Variants in CNTNAP5 observed in about 807,000 individuals in gnomAD.
CNTNAP5 encodes the protein contactin-associated protein-like 5.
CNTNAP5 carries 72 observed loss-of-function variants against 150.2 expected under a neutral mutation model. The observed-to-expected ratio is 0.48, with a 90% confidence interval of 0.40 to 0.58. The LOEUF is 0.58. Among genes scored for constraint, CNTNAP5 ranks in the 20% least tolerant of loss-of-function variants. The pLI is 0.00. For missense variants in CNTNAP5, 1,636 were observed against 1,626.2 expected (o/e 1.01, Z -0.10); for synonymous variants, 672 against 619.8 (o/e 1.08, Z -1.25).
chr2:124,446,244 T>C (rs1007273687), intron 5 of CNTNAP5, among the ~76,000 whole-genome samples: 1 of 152,170 alleles, frequency 6.6e-6, no homozygotes, highest in Non-Finnish European at 1.5e-5. Flanking sequence ...AAGTTATTTC[T>C]TCCTAAGTGC....
At chr2:124,336,277 G>A (rs760263181) in intron 3 of CNTNAP5, among the ~76,000 whole-genome samples, 3 of 151,692 alleles carry the variant, frequency 2.0e-5, no homozygotes, top group African/African-American at 4.9e-5. Flanking sequence ...CCAATTTTTG[G>A]GTCCTGCCAA....
intron 3 of CNTNAP5, among the ~76,000 whole-genome samples, chr2:124,377,846 A>G (rs193105278): frequency 3.4e-4 from 51 of 152,200 alleles, no homozygotes; most frequent in African/African-American, 1.2e-3. Context: ...AGAGCTTTTG[A>G]GCTACATATG....
chr2:124,139,014 G>A (rs1421977081), intron 1 of CNTNAP5, among the ~76,000 whole-genome samples: 1 of 151,530 alleles, frequency 6.6e-6, no homozygotes, highest in Non-Finnish European at 1.5e-5. Context: ...TGAGTCCTGA[G>A]TCTACAGGAG....
At chr2:124,119,361 GCT>G (rs1491507098) in intron 1 of CNTNAP5, among the ~76,000 whole-genome samples, 1 of 65,894 alleles carries the variant, frequency 1.5e-5, no homozygotes, top group Non-Finnish European at 3.7e-5. Flanking sequence ...AGAGCAGGAA[GCT>G]TTTTTTTTTT....
intron 7 of CNTNAP5, among the ~76,000 whole-genome samples, chr2:124,489,077 G>A (rs761522295): frequency 1.3e-5 from 2 of 152,208 alleles, no homozygotes; most frequent in Admixed American, 6.5e-5. Flanking sequence ...CAATGAACTC[G>A]TTCTTTCTGG....
intron 13 of CNTNAP5, among the ~76,000 whole-genome samples, chr2:124,659,340 G>A (rs558638969): frequency 1.6e-4 from 24 of 152,098 alleles, no homozygotes; most frequent in African/African-American, 5.1e-4. Flanking sequence ...ATATGGTAGC[G>A]GTGATTTCAC....
At chr2:124,562,566 A>G (rs1695918202) in intron 10 of CNTNAP5, among the ~76,000 whole-genome samples, 1 of 152,220 alleles carries the variant, frequency 6.6e-6, no homozygotes, top group Non-Finnish European at 1.5e-5. Context: ...TGCTGATTCT[A>G]ATTATATAAA....
intron 22 of CNTNAP5, among the ~76,000 whole-genome samples, chr2:124,909,402 G>T (rs554303896): frequency 1.5e-3 from 231 of 152,178 alleles, no homozygotes; most frequent in Non-Finnish European, 2.5e-3. Context: ...TACCACCTAG[G>T]ATTGTGTGAG....
At position 124,798,114 on chromosome 2, in the gene CNTNAP5, A is replaced by T; in HGVS notation, c.3011A>T (p.Glu1004Val). 5 of 1,611,212 alleles carry T rather than the reference A, an allele frequency of 3.1e-6. No individual in the cohort carries two copies. The highest frequency in any genetic ancestry group is 4.2e-6 in the Non-Finnish European group (5 of 1,178,462). ...TTTGCAGAGGTTTCTGCTGTTTTTG[A>T]GGCTGGCACGTCGGTTACTTACATG... ...FCKKEVSAVF[E>V]AGTSVTYMFQ... Residue 1004 changes from glutamate to valine, a missense_variant, in exon 19 of 24, where the codon GAG becomes GTG. Coordinates refer to ENST00000682447, the MANE Select transcript of CNTNAP5 (RefSeq NM_001367498.1).
chr2:124,263,609 G>T lies in CNTNAP5; in HGVS notation c.381+21216G>T, dbSNP rs146713650. Among the ~76,000 whole-genome samples, 1,109 of 152,034 alleles carry T rather than the reference G, an allele frequency of 7.3e-3. 8 individuals are homozygous for T. Among genetic ancestry groups the T allele is most frequent in the East Asian group, 0.03 (154 of 5,162 alleles). On this transcript the variant is annotated intron_variant, in intron 3 of 23. Coordinates refer to ENST00000682447, the MANE Select transcript of CNTNAP5 (RefSeq NM_001367498.1). ...CCCCTTCTGTAGGTTGCCTGTTCACGCTGATGGTAGTTTCTTTTGCTGTGC... is the reference window on the plus strand; with the variant it reads ...CCCCTTCTGTAGGTTGCCTGTTCACTCTGATGGTAGTTTCTTTTGCTGTGC...
intron 1 of CNTNAP5, among the ~76,000 whole-genome samples, chr2:124,194,124 A>T (rs1334775762): frequency 6.6e-6 from 1 of 151,736 alleles, no homozygotes; most frequent in African/African-American, 2.4e-5. Flanking sequence ...GATCCAGGAC[A>T]CAGCTGCTGC....
intron 8 of CNTNAP5, among the ~76,000 whole-genome samples, chr2:124,519,878 C>T (rs1230635800): frequency 1.3e-5 from 2 of 152,096 alleles, no homozygotes; most frequent in East Asian, 3.9e-4. Context: ...TGTAAGGAAC[C>T]CTTTATACTG....
intron 1 of CNTNAP5, among the ~76,000 whole-genome samples, chr2:124,133,283 G>A (rs1558768901): frequency 6.6e-6 from 1 of 151,658 alleles, no homozygotes; most frequent in Non-Finnish European, 1.5e-5. Flanking sequence ...CCCTTCCAAG[G>A]CCCTTTGGTC....
At chr2:124,885,057 T>C (rs889035659) in intron 21 of CNTNAP5, among the ~76,000 whole-genome samples, 1 of 151,946 alleles carries the variant, frequency 6.6e-6, no homozygotes, top group Admixed American at 6.6e-5. Context: ...TATATTGAGA[T>C]TTATTGCACA....
At chr2:124,383,226 C>A (rs769851787) in intron 3 of CNTNAP5, among the ~76,000 whole-genome samples, 1 of 152,112 alleles carries the variant, frequency 6.6e-6, no homozygotes, top group Non-Finnish European at 1.5e-5. Context: ...TCCAGCTTTC[C>A]CTGGAGCTTA....
chr2:124,346,706 A>C (rs1244268658), intron 3 of CNTNAP5, among the ~76,000 whole-genome samples: 2 of 152,038 alleles, frequency 1.3e-5, no homozygotes, highest in African/African-American at 4.8e-5. Context: ...TAAAGAACAA[A>C]TTTTGAAGTT....
intron 3 of CNTNAP5, among the ~76,000 whole-genome samples, chr2:124,338,853 C>T (rs550199711): frequency 7.5e-4 from 114 of 152,054 alleles, no homozygotes; most frequent in South Asian, 1.7e-3. Context: ...TGAGGTCCAA[C>T]AAAACCAAAG....
At chr2:124,613,045 C>G (rs76372835) in intron 12 of CNTNAP5, among the ~76,000 whole-genome samples, 2 of 152,132 alleles carry the variant, frequency 1.3e-5, no homozygotes, top group Non-Finnish European at 2.9e-5. Context: ...GAGTAAGACT[C>G]TGTCTCAAAT....
intron 13 of CNTNAP5, among the ~76,000 whole-genome samples, chr2:124,744,324 C>T (rs1009320000): frequency 1.4e-4 from 21 of 152,128 alleles, no homozygotes; most frequent in East Asian, 5.8e-4. Context: ...TCCACCATGA[C>T]GGTGAGGCCT....
Sources: allele counts gnomAD v4.1 joint callset (sites outside exome capture counted in the v4.1 genomes callset), GRCh38; gene constraint gnomAD v4.1.1; transcripts MANE v1.5; gene names NCBI Gene and HGNC (gene_info 2026-07-23, HGNC 2026-07-21).